JPH3: variants seen among roughly 807,000 people sequenced by gnomAD.
The protein encoded by JPH3 is junctophilin 3.
In JPH3, 11 loss-of-function variants were observed where a neutral mutation model predicts 59.6. The ratio of observed to expected loss-of-function variants is 0.18; its 90% CI spans 0.12 to 0.31. The LOEUF is 0.31. JPH3 is among the 10% of genes least tolerant of loss of function. The pLI, the probability that JPH3 is intolerant of heterozygous loss-of-function variation, is 1.00. For missense variants in JPH3, 1,202 were observed against 1,105.7 expected, an observed-to-expected ratio of 1.09 and a Z score of -1.24; for synonymous variants, 673 against 483.6, an observed-to-expected ratio of 1.39 and a Z score of -5.14.
intron 2 of JPH3, among the ~76,000 whole-genome samples, chr16:87,663,906 A>G (rs1373870449): frequency 6.6e-6 from 1 of 152,018 alleles, no homozygotes; most frequent in East Asian, 1.9e-4. Context: ...TGTGGTTTTG[A>G]CTGTGCGGTT....
chr16:87,616,190 T>TGTGTGTG (rs2030950727), intron 1 of JPH3, among the ~76,000 whole-genome samples: 5 of 116,048 alleles, frequency 4.3e-5, no homozygotes, highest in East Asian at 5.3e-4. Flanking sequence ...CAATCTGGTT[T>TGTGTGTG]TGTGTGTGTG....
chr16:87,648,242 A>G (rs376682488), intron 2 of JPH3, among the ~76,000 whole-genome samples: 664 of 114,918 alleles, frequency 5.8e-3, no homozygotes, highest in Non-Finnish European at 8.2e-3. Flanking sequence ...GAATTTGGGG[A>G]AAAAAAAAAG....
intron 4 of JPH3, among the ~76,000 whole-genome samples, chr16:87,690,972 G>T (rs2033554949): frequency 6.6e-6 from 1 of 152,180 alleles, no homozygotes; most frequent in African/African-American, 2.4e-5. Context: ...AGTCAGGTCT[G>T]GGGTTGGGGG....
At chr16:87,636,772 C>T (rs1248389159) in intron 1 of JPH3, among the ~76,000 whole-genome samples, 2 of 152,264 alleles carry the variant, frequency 1.3e-5, no homozygotes, top group East Asian at 3.8e-4. Context: ...ACCCTCATTA[C>T]ACTGTGCCGG....
At chr16:87,667,808 G>A (rs2032909910) in intron 2 of JPH3, among the ~76,000 whole-genome samples, 1 of 152,200 alleles carries the variant, frequency 6.6e-6, no homozygotes, top group African/African-American at 2.4e-5. Context: ...GTCTGTTTTT[G>A]TTTGTTTTGT....
At chr16:87,654,856 C>T (rs2032441113) in intron 2 of JPH3, 1 of 152,324 alleles carries the variant, frequency 6.6e-6, no homozygotes, top group Non-Finnish European at 1.5e-5. Context: ...CTCACAGGAA[C>T]CAGCGACCAC....
chr16:87,663,663 C>T (rs1010074989), intron 2 of JPH3, among the ~76,000 whole-genome samples: 6 of 152,150 alleles, frequency 3.9e-5, no homozygotes, highest in African/African-American at 1.2e-4. Context: ...CCAGCCGCCC[C>T]AGGGACCCCA....
intron 4 of JPH3, chr16:87,693,895 C>G (rs1245721946): frequency 6.6e-6 from 1 of 152,254 alleles, no homozygotes; most frequent in Non-Finnish European, 1.5e-5. Context: ...TGCTCATCCC[C>G]AAATCCAAAT....
At chr16:87,666,563 C>T (rs1170456496) in intron 2 of JPH3, among the ~76,000 whole-genome samples, 1 of 151,900 alleles carries the variant, frequency 6.6e-6, no homozygotes, top group Non-Finnish European at 1.5e-5. Flanking sequence ...TACTAATTTT[C>T]TTTAAAATTT....
In JPH3 at chr16:87,659,374, C is replaced by CGGAAAAAAAAAAAAAAAAAAAAAA. The variant is rs1362136229; in HGVS notation, c.1160+14339_1160+14340insGGAAAAAAAAAAAAAAAAAAAAAA. Among the ~76,000 whole-genome samples, 2 of 74,556 alleles carry CGGAAAAAAAAAAAAAAAAAAAAAA rather than the reference C, an allele frequency of 2.7e-5. 1 individual carries two copies. 48.9% of individuals were successfully genotyped at this position (74,556 alleles called of 152,430 possible). ...CCTGGGTGACAGAGTAAGACTGTCT[C>CGGAAAAAAAAAAAAAAAAAAAAAA]AAAAAAAAAAAAGAAAAAAAAAAAG... On this transcript the variant is annotated intron_variant, in intron 2 of 4. Coordinates refer to ENST00000284262, the MANE Select transcript of JPH3 (RefSeq NM_020655.4).
chr16:87,680,423 G>C (rs571694496), intron 2 of JPH3, among the ~76,000 whole-genome samples: 2 of 152,354 alleles, frequency 1.3e-5, no homozygotes, highest in African/African-American at 4.8e-5. Flanking sequence ...CTGTGCTCTG[G>C]CCCAGGAACC....
intron 2 of JPH3, among the ~76,000 whole-genome samples, chr16:87,652,556 C>T (rs566302089): frequency 2.6e-5 from 4 of 152,368 alleles, no homozygotes; most frequent in South Asian, 2.1e-4. Context: ...CTTCACGTCC[C>T]GGGCTCAAGT....
At chr16:87,658,370 C>T (rs1297945150) in intron 2 of JPH3, among the ~76,000 whole-genome samples, 1 of 151,382 alleles carries the variant, frequency 6.6e-6, no homozygotes. Context: ...CCGCTTCTCC[C>T]CCTCTCTTTT....
chr16:87,624,529 C>T (rs552994940), intron 1 of JPH3, among the ~76,000 whole-genome samples: 2 of 152,348 alleles, frequency 1.3e-5, no homozygotes, highest in South Asian at 4.1e-4. Context: ...TGCGGGGCAC[C>T]GCGTTTTGTG....
At chr16:87,685,689 A>C (rs553767712) in intron 3 of JPH3, among the ~76,000 whole-genome samples, 1 of 152,372 alleles carries the variant, frequency 6.6e-6, no homozygotes, top group South Asian at 2.1e-4. Flanking sequence ...GTAGGACGGC[A>C]TGGGATTCCA....
rs373569511 is a variant in JPH3 at position 87,669,097 on chromosome 16, C to T, written c.1161-15045C>T. Among the ~76,000 whole-genome samples the T allele has an allele frequency of 7.9e-4, 120 of 152,310 alleles. 3 individuals are homozygous for T. The South Asian group carries it at 0.024, about 30-fold the overall frequency. On this transcript the variant is annotated intron_variant, in intron 2 of 4. Transcript: ENST00000284262. ...GTGGCACAGGGGCGTGGAGGCGTGG[C>T]GGGCCTTCCCTCTTGCACCACTTTG...
chr16:87,604,222 C>T (rs1379375068), intron 1 of JPH3: 7 of 1,439,392 alleles, frequency 4.9e-6, no homozygotes, highest in Non-Finnish European at 6.4e-6. Flanking sequence ...GGGAATCGAT[C>T]TGTGCCTTCA....
intron 1 of JPH3, 112 bp from the exon 2 acceptor site, chr16:87,644,146 C>A (rs549364495): frequency 7.1e-5 from 86 of 1,203,562 alleles, no homozygotes; most frequent in Non-Finnish European, 9.3e-5. Flanking sequence ...TCAAAAAACA[C>A]AAAACAACAG....
chr16:87,603,473 G>A lies in JPH3; in HGVS notation c.327G>A (p.Gly109=). ...CGGGCAACGGGGCCAAATACGAAGG[G>A]ACCTGGAGCAACGGGCTGCAGGACG... ...ECAGNGAKYE[G]TWSNGLQDGY... is the part of the protein sequence containing the mutation. Residue 109 remains glycine (G), a synonymous_variant, in exon 1 of 5, where the codon GGG becomes GGA. Coordinates refer to ENST00000284262, the MANE Select transcript of JPH3 (RefSeq NM_020655.4). 4 of 1,558,192 alleles carry A rather than the reference G, an allele frequency of 2.6e-6. No individual in the cohort carries two copies. Among genetic ancestry groups the A allele is most frequent in the Non-Finnish European group, 2.6e-6 (3 of 1,151,750 alleles).
Sources: allele counts gnomAD v4.1 joint callset (sites outside exome capture counted in the v4.1 genomes callset), GRCh38; gene constraint gnomAD v4.1.1; transcripts MANE v1.5; gene names NCBI Gene and HGNC (gene_info 2026-07-23, HGNC 2026-07-21).